Variants in ZNF675 observed in about 807,000 individuals in gnomAD.
The protein encoded by ZNF675 is TRAF6 inhibitory zinc finger.
Under a neutral mutation model 56.1 loss-of-function variants are expected in ZNF675, and 36 were observed. The ratio of observed to expected loss-of-function variants is 0.64; its 90% CI spans 0.49 to 0.85. ZNF675 has a LOEUF of 0.85. Ranked by LOEUF, ZNF675 falls within the 40% of genes least tolerant of loss-of-function variation. The pLI is 0.00. For missense variants in ZNF675, 663 were observed against 654.2 expected (o/e 1.01, Z -0.15); for synonymous variants, 200 against 218.9 (o/e 0.91, Z 0.76).
intron 1 of ZNF675, among the ~76,000 whole-genome samples, chr19:23,675,010 T>C (rs1179217975): frequency 6.6e-6 from 1 of 151,382 alleles, no homozygotes; most frequent in East Asian, 1.9e-4. Flanking sequence ...CTTTTATTTC[T>C]AACTTAAATT....
At chr19:23,663,690 G>A (rs773647106) in intron 1 of ZNF675, among the ~76,000 whole-genome samples, 2 of 152,180 alleles carry the variant, frequency 1.3e-5, no homozygotes, top group Non-Finnish European at 2.9e-5. Context: ...GCACTCCAGC[G>A]TGGGCAACAA....
rs144510949 is a variant in ZNF675 at position 23,654,371 on chromosome 19, T to C, written c.562A>G (p.Thr188Ala). The C allele has an allele frequency of 6.2e-7, 1 of 1,612,106 alleles. No homozygotes were observed. Among genetic ancestry groups the C allele is most frequent in the Non-Finnish European group, 8.5e-7 (1 of 1,179,114 alleles). The part of the protein sequence containing the change: ...GRSFCMLSHL[T>A]RHERNYTKVN... ...TTGGTATAATTTCTTTCATGTCGAG[T>C]TAGGTGTGAAAGCATGCAAAATGAT... Residue 188 changes from threonine to alanine, a missense_variant, in exon 4 of 4, where the codon ACT becomes GCT. Physicochemically the swap from Thr to Ala is moderately conservative, Grantham distance 58 (BLOSUM62 0). Transcript: ENST00000359788.
At chr19:23,667,295 G>A (rs4932888) in intron 1 of ZNF675, among the ~76,000 whole-genome samples, 147,750 of 152,080 alleles carry the variant, frequency 0.97, 71,931 homozygotes, top group Middle Eastern at 1. Flanking sequence ...TGGACCCAAA[G>A]AGTGAGCAGT....
chr19:23,668,025 A>G (rs1968177255), intron 1 of ZNF675, among the ~76,000 whole-genome samples: 1 of 150,442 alleles, frequency 6.6e-6, no homozygotes, highest in Non-Finnish European at 1.5e-5. Flanking sequence ...TGAGCTAGAC[A>G]CAGGGTGCTG....
At chr19:23,667,396 G>A (rs1433451302) in intron 1 of ZNF675, among the ~76,000 whole-genome samples, 1 of 152,142 alleles carries the variant, frequency 6.6e-6, no homozygotes, top group Non-Finnish European at 1.5e-5. Context: ...CCGGCAGCCT[G>A]CTTTTATTGT....
intron 1 of ZNF675, among the ~76,000 whole-genome samples, chr19:23,667,711 G>A (rs1968172229): frequency 6.7e-6 from 1 of 149,810 alleles, no homozygotes; most frequent in African/African-American, 2.5e-5. Flanking sequence ...CTAAACACAC[G>A]GTGCTGATTG....
intron 1 of ZNF675, among the ~76,000 whole-genome samples, chr19:23,681,633 A>C (rs905909758): frequency 6.6e-6 from 1 of 151,796 alleles, no homozygotes; most frequent in African/African-American, 2.4e-5. Flanking sequence ...CACCACCCAG[A>C]GTCAGCATAG....
intron 3 of ZNF675, chr19:23,656,939 T>C (rs1037303828): frequency 2.0e-5 from 3 of 152,078 alleles, no homozygotes; most frequent in Admixed American, 6.6e-5. Flanking sequence ...ATGGCTGAAA[T>C]GTACAGTTTT....
Position 23,654,652 on chromosome 19 carries a change from G to T in ZNF675, c.281C>A (p.Ser94Tyr). Reference sequence around the variant, plus strand: ...TCTTCTCAGTGTCACTTTTTCAAAAGAATCTTTTATGTTCTGCTCTGGCCA... The same window carrying T: ...TCTTCTCAGTGTCACTTTTTCAAAATAATCTTTTATGTTCTGCTCTGGCCA... ...EFWPEQNIKD[S>Y]FEKVTLRRYE... Residue 94 changes from serine (S) to tyrosine (Y), a missense_variant, in exon 4 of 4, where the codon TCT (serine) becomes TAT (tyrosine). Physicochemically the swap from Ser to Tyr is moderately radical, Grantham distance 144. Around this residue, in one of 3 missense-constraint regions of ZNF675, gnomAD observed 617 missense variants for 590.5 expected, o/e 1.04. Transcript: ENST00000359788. 3 of 1,594,402 alleles carry T rather than the reference G, an allele frequency of 1.9e-6. No homozygotes were observed. Among genetic ancestry groups the T allele is most frequent in the South Asian group, 1.1e-5 (1 of 87,666 alleles).
chr19:23,658,605 G>A (rs995675640), intron 3 of ZNF675: 1 of 151,876 alleles, frequency 6.6e-6, no homozygotes, highest in Admixed American at 6.6e-5. Flanking sequence ...ACTTGAACCT[G>A]GGAGGTGGAG....
chr19:23,675,588 C>G (rs4932897), intron 1 of ZNF675, among the ~76,000 whole-genome samples: 147,255 of 151,706 alleles, frequency 0.97, 71,771 homozygotes, highest in Middle Eastern at 1. Context: ...AAATTAACCT[C>G]AATATGAATG....
chr19:23,686,558 T>C (rs568887739), intron 1 of ZNF675, among the ~76,000 whole-genome samples: 2 of 152,214 alleles, frequency 1.3e-5, no homozygotes, highest in East Asian at 3.9e-4. Flanking sequence ...ACTCCTGACC[T>C]CAGGTGATCC....
rs770908031 is a variant in ZNF675, at chr19:23,653,295, G to T, written c.1638C>A (p.Asn546Lys). The change falls in exon 4 of 4, where the codon AAC becomes AAA. Residue 546 changes from asparagine (N) to lysine (K), a missense_variant. Coordinates refer to ENST00000359788, the MANE Select transcript of ZNF675 (RefSeq NM_138330.3). The stretch of plus-strand genomic sequence containing the variant: ...TATGTTTAGTAAGGTTTGCAGATTG[G>T]TTAAAAGCTTTGTCACATCTCTCAC... ...YKCERCDKAF[N>K]QSANLTKHKK... 1 of 1,613,294 alleles carries T rather than the reference G, an allele frequency of 6.2e-7. No individual in the cohort carries two copies. The highest frequency in any genetic ancestry group is 8.5e-7 in the Non-Finnish European group (1 of 1,179,786).
chr19:23,655,601 TCCC>T (rs1299396827), intron 3 of ZNF675: 1 of 151,882 alleles, frequency 6.6e-6, no homozygotes, highest in African/African-American at 2.4e-5. Context: ...CCTAAGCACC[TCCC>T]ACTAGGTCCC....
At chr19:23,682,003 T>C (rs147145293) in intron 1 of ZNF675, among the ~76,000 whole-genome samples, 1 of 87,722 alleles carries the variant, frequency 1.1e-5, no homozygotes, top group Non-Finnish European at 2.3e-5. Flanking sequence ...TACCCTCTTA[T>C]TATGACTTAG....
At chr19:23,660,993 A>C (rs1968069534) in intron 3 of ZNF675, among the ~76,000 whole-genome samples, 1 of 151,574 alleles carries the variant, frequency 6.6e-6, no homozygotes, top group African/African-American at 2.4e-5. Flanking sequence ...GCAGTGGCAC[A>C]AACTTGGCTC....
At chr19:23,668,806 G>T (rs1286532194) in intron 1 of ZNF675, among the ~76,000 whole-genome samples, 1 of 152,172 alleles carries the variant, frequency 6.6e-6, no homozygotes, top group South Asian at 2.1e-4. Context: ...GGGCAGGGCC[G>T]GCCGGGGGCT....
At chr19:23,654,941 A>G (rs78214471) in intron 3 of ZNF675, 32,663 of 352,746 alleles carry the variant, frequency 0.093, 1,735 homozygotes, top group East Asian at 0.19. Context: ...TAATGTTTTC[A>G]GAAGTAAATT....
chr19:23,667,092 G>A (rs1164714533), intron 1 of ZNF675, among the ~76,000 whole-genome samples: 2 of 152,094 alleles, frequency 1.3e-5, no homozygotes, highest in Non-Finnish European at 2.9e-5. Flanking sequence ...TGTGTTCGGA[G>A]TTTCTTCCTT....
Sources: allele counts gnomAD v4.1 joint callset (sites outside exome capture counted in the v4.1 genomes callset), GRCh38; gene constraint gnomAD v4.1.1; regional missense constraint gnomAD v4.1.1; transcripts MANE v1.5; gene names NCBI Gene and HGNC (gene_info 2026-07-23, HGNC 2026-07-21).